LIX1L: variants seen among roughly 807,000 people sequenced by gnomAD.
The protein encoded by LIX1L is limb and CNS expressed 1 like.
In LIX1L, 20 loss-of-function variants were observed where a neutral mutation model predicts 34.0. That is an observed-to-expected ratio of 0.59 (90% CI 0.41 to 0.85). The LOEUF (loss-of-function observed/expected upper bound fraction) is 0.85, where lower values mean the gene tolerates loss of function less well. Ranked by LOEUF, LIX1L falls within the 40% of genes least tolerant of loss-of-function variation. The pLI is 0.00. For synonymous variants in LIX1L, 170 were observed against 187.4 expected (o/e 0.91, Z 0.76); for missense variants, 397 against 447.0 (o/e 0.89, Z 1.01).
rs782257497 is a variant in LIX1L, at chr1:145,936,912, C to G, written c.767G>C (p.Arg256Pro). 2.7e-5 allele frequency: 43 copies of G among 1,609,646 alleles called. No individual in the cohort carries two copies. The highest frequency in any genetic ancestry group is 3.7e-5 in the Non-Finnish European group (43 of 1,176,208). The change falls in exon 5 of 6, where the codon CGG becomes CCG. Residue 256 changes from arginine (R) to proline (P), a missense_variant. Coordinates refer to ENST00000604000, the MANE Select transcript of LIX1L (RefSeq NM_153713.3). ...LKAMRERQCS[R>P]QEVLAHYSHR... ...CCCACTCATAAAATCTCTTACCTGC[C>G]GAGAGCATTGTCGTTCCCTCATGGC...
chr1:145,952,943 G>A (rs587641730), intron 1 of LIX1L, among the ~76,000 whole-genome samples: 1 of 151,552 alleles, frequency 6.6e-6, no homozygotes, highest in African/African-American at 2.4e-5. Context: ...GCAAGGTCTC[G>A]CTCTATCGCT....
Position 145,935,037 on chromosome 1 carries a change from T to A in LIX1L, c.*1273A>T, listed in dbSNP as rs1553757551. 1 of 146,338 alleles carries A rather than the reference T, an allele frequency of 6.8e-6. No individual in the cohort carries two copies. Among genetic ancestry groups the A allele is most frequent in the East Asian group, 2.0e-4 (1 of 4,902 alleles). The allele number at this position is 146,338 out of a possible 1,614,324, so 9.1% of individuals were successfully genotyped here. A position where few individuals can be genotyped will look rare whatever the true frequency, so the allele number is the denominator to read the frequency against. ...TAAAAATTAGCCAGGCGTTGTGGCG[T>A]GTGCCTGTAATCCCAGCTACTCGGG... On this transcript the variant is annotated 3_prime_UTR_variant, in exon 6 of 6. Transcript: ENST00000604000.
At chr1:145,943,189 G>A (rs1316816813) in intron 2 of LIX1L, among the ~76,000 whole-genome samples, 1 of 152,200 alleles carries the variant, frequency 6.6e-6, no homozygotes, top group Admixed American at 6.5e-5. Context: ...TTACTCAAAA[G>A]TCAGATTCTG....
At chr1:145,946,982 C>T (rs1335256843) in intron 2 of LIX1L, 2 of 152,210 alleles carry the variant, frequency 1.3e-5, no homozygotes, top group African/African-American at 2.4e-5. Context: ...TTTTTCACTA[C>T]TACCTCATAA....
intron 3 of LIX1L, among the ~76,000 whole-genome samples, chr1:145,939,433 G>A (rs907590764): frequency 1.3e-5 from 2 of 150,964 alleles, no homozygotes; most frequent in Non-Finnish European, 1.5e-5. Flanking sequence ...AGCCTCCCAC[G>A]TAGCTGGGAC....
At chr1:145,947,098 T>C (rs1251503776) in intron 2 of LIX1L, 1 of 153,424 alleles carries the variant, frequency 6.5e-6, no homozygotes, top group Non-Finnish European at 1.5e-5. Flanking sequence ...ATGTTATAGA[T>C]GGGAAAAGTG....
At chr1:145,942,102 T>G (rs1553758739) in intron 3 of LIX1L, 1 of 152,140 alleles carries the variant, frequency 6.6e-6, no homozygotes, top group African/African-American at 2.4e-5. Context: ...GCCAGGATGG[T>G]CTCGATCTCC....
At chr1:145,938,745 G>A (rs1005078609) in intron 3 of LIX1L, among the ~76,000 whole-genome samples, 2 of 151,830 alleles carry the variant, frequency 1.3e-5, no homozygotes, top group Non-Finnish European at 2.9e-5. Flanking sequence ...GCGCCATCAC[G>A]CCCGGCTAAT....
At chr1:145,955,564 A>G (rs1475876432) in intron 1 of LIX1L, among the ~76,000 whole-genome samples, 2 of 152,218 alleles carry the variant, frequency 1.3e-5, no homozygotes, top group East Asian at 3.8e-4. Context: ...TCACAAGGGT[A>G]TGTGAATATA....
At chr1:145,936,829 C>A in intron 5 of LIX1L, 79 bp downstream of exon 5, 1 of 1,045,614 alleles carries the variant, frequency 9.6e-7, no homozygotes, top group South Asian at 1.3e-5. Flanking sequence ...GACCTTATTT[C>A]TAACATAGTA....
At chr1:145,945,783 A>G (rs1030477798) in intron 2 of LIX1L, among the ~76,000 whole-genome samples, 13 of 148,036 alleles carry the variant, frequency 8.8e-5, no homozygotes, top group African/African-American at 3.3e-4. Context: ...GAAAGATCTT[A>G]TTCTCTTAGA....
intron 2 of LIX1L, among the ~76,000 whole-genome samples, chr1:145,944,945 T>G (rs587700647): frequency 2.5e-4 from 38 of 152,050 alleles, no homozygotes; most frequent in African/African-American, 9.2e-4. Flanking sequence ...GGAGGATCAC[T>G]TGAGCCCATG....
intron 3 of LIX1L, chr1:145,941,218 G>C (rs1031324017): frequency 1.3e-5 from 2 of 150,606 alleles, no homozygotes; most frequent in Admixed American, 1.3e-4. Flanking sequence ...CCACAAAGCA[G>C]ATAACTGAAG....
At chr1:145,949,186 C>G (rs1553759524) in intron 1 of LIX1L, 1 of 152,122 alleles carries the variant, frequency 6.6e-6, no homozygotes, top group East Asian at 1.9e-4. Context: ...CTACGTTTTC[C>G]TTATGTAGCC....
Position 145,936,398 on chromosome 1 carries a change from C to A in LIX1L, c.926G>T (p.Gly309Val). 1 of 1,614,168 alleles carries A rather than the reference C, an allele frequency of 6.2e-7. No individual in the cohort carries two copies. The highest frequency in any genetic ancestry group is 8.5e-7 in the Non-Finnish European group (1 of 1,180,034). The change falls in exon 6 of 6, where the codon GGC (glycine) becomes GTC (valine). Residue 309 changes from glycine (G) to valine (V), a missense_variant. Physicochemically the swap from Gly to Val is moderately radical, Grantham distance 109. This residue lies in a region of LIX1L where 174 missense variants were observed against 204.0 expected (regional missense o/e 0.85). Coordinates refer to ENST00000604000, the MANE Select transcript of LIX1L (RefSeq NM_153713.3). The stretch of plus-strand genomic sequence containing the variant: ...CTCCTTGTGGAAGCGCAGCTCCTTG[C>A]CTGCCAGTCGGGCTTCATCCAGCTC... ...ERELDEARLA[G>V]KELRFHKEKK...
intron 3 of LIX1L, among the ~76,000 whole-genome samples, chr1:145,939,176 CTCTT>C (rs1648783803): frequency 2.0e-5 from 3 of 151,618 alleles, no homozygotes; most frequent in African/African-American, 7.3e-5. Context: ...GAGATGAAGT[CTCTT>C]TATGTTGCCC....
At chr1:145,942,678 C>T (rs1427092365) in intron 3 of LIX1L, 35 bp downstream of exon 3, 1 of 1,607,720 alleles carries the variant, frequency 6.2e-7, no homozygotes, top group Non-Finnish European at 8.5e-7. Context: ...TCTCCCATCT[C>T]CCACTCTCCT....
chr1:145,957,570 G>C lies in LIX1L; in HGVS notation c.292+66C>G, dbSNP rs114681405. 2,058 of 1,390,874 alleles carry C rather than the reference G, an allele frequency of 1.5e-3. 24 individuals are homozygous for C. The African/African-American group carries it at 0.027, about 18-fold the overall frequency. 86.2% of individuals were successfully genotyped at this position (1,390,874 alleles called of 1,614,324 possible). A position where few individuals can be genotyped will look rare whatever the true frequency, so the allele number is the denominator to read the frequency against. On this transcript the variant is annotated intron_variant, in intron 1 of 5. Transcript: ENST00000604000. Reference sequence around the variant, plus strand: ...GCTCCACGCCAGGAAAAGCGATCCGGAGGACTGTGGGAGCAAGGCTCCCTT... The same window carrying C: ...GCTCCACGCCAGGAAAAGCGATCCGCAGGACTGTGGGAGCAAGGCTCCCTT...
At chr1:145,955,033 A>G (rs1014623977) in intron 1 of LIX1L, among the ~76,000 whole-genome samples, 1 of 152,214 alleles carries the variant, frequency 6.6e-6, no homozygotes, top group Admixed American at 6.5e-5. Flanking sequence ...GTAAACTGTG[A>G]GCTCCATCAA....
Sources: allele counts gnomAD v4.1 joint callset (sites outside exome capture counted in the v4.1 genomes callset), GRCh38; gene constraint gnomAD v4.1.1; regional missense constraint gnomAD v4.1.1; transcripts MANE v1.5; gene names NCBI Gene and HGNC (gene_info 2026-07-23, HGNC 2026-07-21).